KBTBD11: variants seen among roughly 807,000 people sequenced by gnomAD.
KBTBD11 encodes the protein kelch repeat and BTB domain containing 11.
For missense variants in KBTBD11, 1,390 were observed against 1,001.8 expected (o/e 1.39, Z -5.23); for synonymous variants, 747 against 499.0 (o/e 1.50, Z -6.63).
chr8:2,002,827 C>A lies in KBTBD11; in HGVS notation c.1635C>A (p.Gly545=). Residue 545 remains glycine (G), a synonymous_variant, in exon 2 of 2, where the codon GGC becomes GGA. Transcript: ENST00000320248. This position sits in a 1 kb window ranked among gnomAD's most constrained non-coding sequence, Gnocchi z 4.1. The stretch of plus-strand genomic sequence containing the variant: ...GCGTCGCGCCCCTGCGCCTCCCCGG[C>A]GGCCCCACGGGCCTGCAGCCCTTCC... ...SPCVAPLRLP[G]GPTGLQPFRC... The A allele has an allele frequency of 7.0e-7, 1 of 1,427,724 alleles. No individual in the cohort carries two copies. 88.4% of individuals were successfully genotyped at this position (1,427,724 alleles called of 1,614,324 possible).
At chr8:1,978,974 C>G (rs73554367) in intron 1 of KBTBD11, among the ~76,000 whole-genome samples, 15,166 of 152,220 alleles carry the variant, frequency 0.1, 1,391 homozygotes, top group African/African-American at 0.24. Flanking sequence ...GCCCACAGTG[C>G]ACAGCCCTGG....
At position 1,973,902 on chromosome 8, in the gene KBTBD11, C is replaced by A. The variant is rs1454179992; in HGVS notation, c.-942C>A. The A allele has an allele frequency of 1.0e-6, 1 of 982,882 alleles. No individual in the cohort carries two copies. The highest frequency in any genetic ancestry group is 1.2e-6 in the Non-Finnish European group (1 of 828,900). The allele number at this position is 982,882 out of a possible 1,614,324, so 60.9% of individuals were successfully genotyped here. ...GAGCCCACCCGCCTGGCTGCGCGTC[C>A]CGGGCCCGGCGGCTGAAGAGGAGCC... On this transcript the variant is annotated 5_prime_UTR_variant, in exon 1 of 2. Transcript: ENST00000320248.
chr8:1,997,310 G>A (rs1358826586), intron 1 of KBTBD11, among the ~76,000 whole-genome samples: 3 of 151,976 alleles, frequency 2.0e-5, no homozygotes, highest in African/African-American at 4.8e-5. Context: ...AACAGTCACC[G>A]CGGTTGCTGA....
chr8:2,003,133 A>G lies in KBTBD11; in HGVS notation c.*69A>G, dbSNP rs13266667. ...GGCCCAGGTCCCTTTGGGCCCGCGG[A>G]GGAGGACGTGGTGGGGAGTCGGGGC... On this transcript the variant is annotated 3_prime_UTR_variant, in exon 2 of 2. Coordinates refer to ENST00000320248, the MANE Select transcript of KBTBD11 (RefSeq NM_014867.3). The G allele has an allele frequency of 1.6e-6, 2 of 1,248,970 alleles. No homozygotes were observed. Among genetic ancestry groups the G allele is most frequent in the East Asian group, 3.2e-5 (1 of 31,542 alleles). The allele number at this position is 1,248,970 out of a possible 1,614,324, so 77.4% of individuals were successfully genotyped here.
chr8:1,984,004 C>G (rs563006205), intron 1 of KBTBD11, among the ~76,000 whole-genome samples: 5 of 152,186 alleles, frequency 3.3e-5, no homozygotes, highest in Admixed American at 6.5e-5. Flanking sequence ...GTGGCAGGCA[C>G]CTTTAGTTCC....
chr8:1,983,208 G>T (rs1816597602), intron 1 of KBTBD11, among the ~76,000 whole-genome samples: 1 of 152,182 alleles, frequency 6.6e-6, no homozygotes, highest in African/African-American at 2.4e-5. Context: ...CTTGGGCATA[G>T]TCTGCTGTGT....
intron 1 of KBTBD11, among the ~76,000 whole-genome samples, chr8:1,977,357 G>A (rs1386479886): frequency 6.6e-6 from 1 of 152,156 alleles, no homozygotes; most frequent in Non-Finnish European, 1.5e-5. Flanking sequence ...TATTAGAAAG[G>A]TGTAGAGTCG....
In KBTBD11 at chr8:2,002,506, G is replaced by C. The variant is rs1159421342; in HGVS notation, c.1314G>C (p.Val438=). 11 of 1,514,028 alleles carry C rather than the reference G, an allele frequency of 7.3e-6. No individual in the cohort carries two copies. The highest frequency in any genetic ancestry group is 9.6e-6 in the Non-Finnish European group (11 of 1,141,060). The allele number at this position is 1,514,028 out of a possible 1,614,324, so 93.8% of individuals were successfully genotyped here. The change falls in exon 2 of 2, where the codon GTG becomes GTC. Residue 438 remains valine (V), a synonymous_variant. Coordinates refer to ENST00000320248, the MANE Select transcript of KBTBD11 (RefSeq NM_014867.3). The surrounding 1 kb of genome is among the most constrained non-coding windows in gnomAD (Gnocchi z 4.1). ...YDPRADRWAP[V]APLPRGAFAV... is the part of the protein sequence containing the mutation. ...CGCGCGCCGACCGCTGGGCCCCCGT[G>C]GCGCCGCTGCCCCGGGGCGCCTTCG...
At position 2,003,791 on chromosome 8, in the gene KBTBD11, T is replaced by A. The variant is rs550657998; in HGVS notation, c.*727T>A. 2 of 167,166 alleles carry A rather than the reference T, an allele frequency of 1.2e-5. No individual in the cohort carries two copies. Among genetic ancestry groups the A allele is most frequent in the East Asian group, 3.9e-4 (2 of 5,190 alleles). 10.4% of individuals were successfully genotyped at this position (167,166 alleles called of 1,614,324 possible). On this transcript the variant is annotated 3_prime_UTR_variant, in exon 2 of 2. Transcript: ENST00000320248. ...TCAGTTGAAAGGATGTTAACTGATG[T>A]AGCGATGATTTACCATTATTTAAAT... is the stretch of plus-strand genomic sequence containing the variant.
chr8:1,989,368 C>T (rs750377017), intron 1 of KBTBD11, among the ~76,000 whole-genome samples: 1 of 152,200 alleles, frequency 6.6e-6, no homozygotes, highest in African/African-American at 2.4e-5. Context: ...TTCCAGTGAG[C>T]ACAGGCTGTG....
At position 1,991,220 on chromosome 8, in the gene KBTBD11, C is replaced by A. The variant is rs1585741022; in HGVS notation, c.-908-9065C>A. Among the ~76,000 whole-genome samples the A allele has an allele frequency of 3.3e-5, 5 of 152,360 alleles. No individual in the cohort carries two copies. The South Asian group carries it at 1.0e-3, about 32-fold the overall frequency. On this transcript the variant is annotated intron_variant, in intron 1 of 1. Coordinates refer to ENST00000320248, the MANE Select transcript of KBTBD11 (RefSeq NM_014867.3). ...TGTCCTTGGGAGGCACTCCTCCCTG[C>A]ATGTGAGAAAGCTTGCTAGGGCAGC...
intron 1 of KBTBD11, among the ~76,000 whole-genome samples, chr8:1,980,953 ACTT>A (rs1377839917): frequency 2.6e-5 from 4 of 152,208 alleles, no homozygotes; most frequent in African/African-American, 7.2e-5. Flanking sequence ...TGGATCACAG[ACTT>A]CTTCTCAGCT....
At chr8:1,976,256 G>A (rs1273394448) in intron 1 of KBTBD11, 5 of 151,990 alleles carry the variant, frequency 3.3e-5, no homozygotes, top group African/African-American at 1.2e-4. Context: ...GGAGGTCAAG[G>A]GCTCATCGTG....
chr8:1,977,211 A>T (rs1043529792), intron 1 of KBTBD11, among the ~76,000 whole-genome samples: 1 of 152,084 alleles, frequency 6.6e-6, no homozygotes, highest in African/African-American at 2.4e-5. Flanking sequence ...AGCTTGACTG[A>T]GTTTCATATG....
intron 1 of KBTBD11, among the ~76,000 whole-genome samples, chr8:1,987,358 C>A (rs549306676): frequency 6.6e-6 from 1 of 152,298 alleles, no homozygotes; most frequent in African/African-American, 2.4e-5. Flanking sequence ...GTTAGCGTGA[C>A]ACAAAACCCA....
intron 1 of KBTBD11, among the ~76,000 whole-genome samples, chr8:1,984,398 C>G (rs964386824): frequency 1.4e-4 from 21 of 148,122 alleles, no homozygotes; most frequent in Admixed American, 7.5e-4. Flanking sequence ...ACGCCGTTCT[C>G]CTGCCTCAGC....
chr8:1,986,729 G>C (rs1020244906), intron 1 of KBTBD11, among the ~76,000 whole-genome samples: 1 of 152,060 alleles, frequency 6.6e-6, no homozygotes, highest in Non-Finnish European at 1.5e-5. Context: ...AATAATGGTA[G>C]TTGTTTAAAC....
chr8:1,997,057 C>T (rs1482254248), intron 1 of KBTBD11, among the ~76,000 whole-genome samples: 6 of 152,244 alleles, frequency 3.9e-5, no homozygotes, highest in African/African-American at 9.6e-5. Flanking sequence ...CTTTCTGTGT[C>T]GCCTGGTTGT....
Position 1,992,090 on chromosome 8 carries a change from G to A in KBTBD11, c.-908-8195G>A, listed in dbSNP as rs540731459. Among the ~76,000 whole-genome samples, 29 of 152,134 alleles carry A rather than the reference G, an allele frequency of 1.9e-4. 1 individual carries two copies. Among genetic ancestry groups the A allele is most frequent in the African/African-American group, 6.5e-4 (27 of 41,444 alleles). On this transcript the variant is annotated intron_variant, in intron 1 of 1. Transcript: ENST00000320248. The stretch of plus-strand genomic sequence containing the variant: ...GAAAGGTCCCTGAGCAGCACCTGTT[G>A]CCACCCAGGACACGCACTCCTGGAC...
Sources: allele counts gnomAD v4.1 joint callset (sites outside exome capture counted in the v4.1 genomes callset), GRCh38; gene constraint gnomAD v4.1.1; non-coding constraint Gnocchi (gnomAD v3.1); transcripts MANE v1.5; gene names NCBI Gene and HGNC (gene_info 2026-07-23, HGNC 2026-07-21).